NKAIN3: variants seen among roughly 807,000 people sequenced by gnomAD.
The protein encoded by NKAIN3 is sodium/potassium-transporting ATPase subunit beta-1-interacting protein 3.
NKAIN3 carries 25 observed loss-of-function variants against 30.2 expected under a neutral mutation model. The observed-to-expected ratio is 0.83, with a 90% CI of 0.60 to 1.16. NKAIN3 has a LOEUF of 1.16. Among genes scored for constraint, NKAIN3 ranks in the 50% most tolerant of loss-of-function variants. The pLI is 0.00. For synonymous variants in NKAIN3, 91 were observed against 89.6 expected (o/e 1.02, Z -0.09); for missense variants, 225 against 254.1 (o/e 0.89, Z 0.78).
At chr8:62,500,765 C>T (rs985549313) in intron 1 of NKAIN3, among the ~76,000 whole-genome samples, 2 of 152,142 alleles carry the variant, frequency 1.3e-5, no homozygotes, top group South Asian at 2.1e-4. Flanking sequence ...CCAGAGAAGG[C>T]AGAAGCCTCA....
At chr8:62,671,203 T>C (rs1469971442) in intron 3 of NKAIN3, among the ~76,000 whole-genome samples, 1 of 152,094 alleles carries the variant, frequency 6.6e-6, no homozygotes, top group African/African-American at 2.4e-5. Context: ...CCACCTCTTA[T>C]CCTACTTCCC....
intron 4 of NKAIN3, among the ~76,000 whole-genome samples, chr8:62,883,622 C>G (rs1351681471): frequency 1.3e-5 from 2 of 151,706 alleles, no homozygotes; most frequent in Non-Finnish European, 2.9e-5. Flanking sequence ...GAGGAATATC[C>G]TTGCCTTGTT....
intron 3 of NKAIN3, among the ~76,000 whole-genome samples, chr8:62,622,907 T>G (rs1811663086): frequency 6.6e-6 from 1 of 152,066 alleles, no homozygotes; most frequent in Admixed American, 6.6e-5. Flanking sequence ...ATGTTTTATA[T>G]TTAAGTCCAT....
intron 1 of NKAIN3, among the ~76,000 whole-genome samples, chr8:62,432,006 C>T (rs767056592): frequency 9.9e-5 from 15 of 150,898 alleles, no homozygotes; most frequent in Non-Finnish European, 2.1e-4. Flanking sequence ...ATAAAATACA[C>T]AATAGGAAAT....
In NKAIN3 at chr8:62,863,165, C is replaced by A. The variant is rs563928107; in HGVS notation, c.472-55288C>A. 5.3e-6 allele frequency: 8 copies of A among 1,521,698 alleles called. No homozygotes were observed. The East Asian group carries it at 1.4e-4, about 26-fold the overall frequency. The allele number at this position is 1,521,698 out of a possible 1,614,324, so 94.3% of individuals were successfully genotyped here. ...TTTTCTTCTATTATTTTCCTTTCGG[C>A]TTCTTGCTCCAATTCTTCTATCTCC... On this transcript the variant is annotated intron_variant, in intron 4 of 6. Coordinates refer to ENST00000623646, the MANE Select transcript of NKAIN3 (RefSeq NM_001304533.3).
At chr8:62,421,904 G>A (rs1354065348) in intron 1 of NKAIN3, among the ~76,000 whole-genome samples, 2 of 151,978 alleles carry the variant, frequency 1.3e-5, no homozygotes, top group African/African-American at 2.4e-5. Flanking sequence ...AGTATGTGGT[G>A]GGAAGCTGGG....
chr8:62,430,856 G>A (rs1356257134), intron 1 of NKAIN3, among the ~76,000 whole-genome samples: 1 of 151,764 alleles, frequency 6.6e-6, no homozygotes. Context: ...TTAAAAACAG[G>A]CAGCTTGGAA....
chr8:62,577,830 G>A (rs1193399792), intron 1 of NKAIN3, among the ~76,000 whole-genome samples: 1 of 151,910 alleles, frequency 6.6e-6, no homozygotes, highest in African/African-American at 2.4e-5. Flanking sequence ...TCCATGATCA[G>A]GAAATACCCG....
intron 1 of NKAIN3, among the ~76,000 whole-genome samples, chr8:62,328,254 A>G (rs1815210105): frequency 6.6e-6 from 1 of 152,156 alleles, no homozygotes; most frequent in African/African-American, 2.4e-5. Flanking sequence ...ACAGCTCAGT[A>G]TTATCTTCTA....
intron 4 of NKAIN3, among the ~76,000 whole-genome samples, chr8:62,901,920 A>G (rs576590252): frequency 1.3e-5 from 2 of 152,350 alleles, no homozygotes; most frequent in Admixed American, 6.5e-5. Context: ...AGCTCCAGAC[A>G]TTGCCATTTG....
chr8:62,864,618 G>A (rs1448301803), intron 4 of NKAIN3, among the ~76,000 whole-genome samples: 1 of 152,164 alleles, frequency 6.6e-6, no homozygotes, highest in Non-Finnish European at 1.5e-5. Flanking sequence ...CCACCTCGTT[G>A]TTTTCTGGAT....
At chr8:62,491,246 G>GT (rs59011953) in intron 1 of NKAIN3, among the ~76,000 whole-genome samples, 10,959 of 152,146 alleles carry the variant, frequency 0.072, 491 homozygotes, top group African/African-American at 0.13. Context: ...ACAATGTGTG[G>GT]TTTTCTCTAC....
chr8:62,432,543 A>G (rs1805043513), intron 1 of NKAIN3, among the ~76,000 whole-genome samples: 1 of 152,054 alleles, frequency 6.6e-6, no homozygotes, highest in African/African-American at 2.4e-5. Context: ...CAATAGCATG[A>G]TATTTGATGT....
chr8:62,946,214 G>A (rs2130888824), intron 5 of NKAIN3, among the ~76,000 whole-genome samples: 1 of 152,266 alleles, frequency 6.6e-6, no homozygotes, highest in East Asian at 1.9e-4. Flanking sequence ...GGATCACAAA[G>A]TTATTTCAGG....
chr8:62,877,324 T>C (rs1218405728), intron 4 of NKAIN3, among the ~76,000 whole-genome samples: 1 of 152,212 alleles, frequency 6.6e-6, no homozygotes, highest in African/African-American at 2.4e-5. Context: ...CACCCAAAGC[T>C]AGGGGCAGCC....
At chr8:62,283,926 AAAGAGAAATCATAC>A (rs1333032038) in intron 1 of NKAIN3, among the ~76,000 whole-genome samples, 1 of 152,226 alleles carries the variant, frequency 6.6e-6, no homozygotes. Flanking sequence ...GTATTGATTT[AAAGAGAAATCATAC>A]AACAGGCATC....
chr8:62,577,503 A>G (rs1300573319), intron 1 of NKAIN3, among the ~76,000 whole-genome samples: 2 of 134,978 alleles, frequency 1.5e-5, no homozygotes, highest in African/African-American at 2.7e-5. Context: ...TGTTTTTCTG[A>G]ATGAATGGCC....
intron 3 of NKAIN3, among the ~76,000 whole-genome samples, chr8:62,669,797 G>A (rs920586082): frequency 3.9e-5 from 6 of 152,132 alleles, no homozygotes; most frequent in Admixed American, 2.6e-4. Context: ...TACTGCATGA[G>A]TGCATTACAT....
chr8:62,306,906 T>C (rs1000634629), intron 1 of NKAIN3, among the ~76,000 whole-genome samples: 3 of 150,194 alleles, frequency 2.0e-5, no homozygotes, highest in Non-Finnish European at 2.9e-5. Context: ...GATGTGTCCA[T>C]AGGGGAAAGC....
Sources: gnomAD v4.1 joint callset for allele counts (sites outside exome capture counted in the v4.1 genomes callset) on GRCh38, gnomAD v4.1.1 for gene constraint, MANE v1.5 for transcripts, NCBI Gene and HGNC (gene_info 2026-07-23, HGNC 2026-07-21) for gene names.